RSU1: variants seen among roughly 807,000 people sequenced by gnomAD.
RSU1 encodes the protein rsu-1.
RSU1 carries 26 observed loss-of-function variants against 31.1 expected under a neutral mutation model. The ratio of observed to expected loss-of-function variants is 0.84; its 90% CI spans 0.61 to 1.16. The LOEUF is 1.16. RSU1 is among the 50% of genes most tolerant of loss of function. The probability of loss-of-function intolerance (pLI) is 0.00; values close to 1 mark genes in which losing one functional copy is unlikely to be tolerated. For missense variants in RSU1, 320 were observed against 339.1 expected (o/e 0.94, Z 0.44); for synonymous variants, 164 against 136.3 (o/e 1.20, Z -1.41).
At chr10:16,807,431 T>C (rs66491181) in intron 2 of RSU1, among the ~76,000 whole-genome samples, 35,716 of 152,184 alleles carry the variant, frequency 0.23, 5,340 homozygotes, top group African/African-American at 0.43. Context: ...ACACAATCTT[T>C]TCCAGCCCCA....
intron 8 of RSU1, among the ~76,000 whole-genome samples, chr10:16,640,697 G>A (rs946282312): frequency 4.6e-5 from 7 of 152,320 alleles, no homozygotes; most frequent in East Asian, 3.9e-4. Flanking sequence ...GCTCACACCC[G>A]GATGGTACCT....
chr10:16,607,944 C>T (rs1833832553), intron 8 of RSU1, among the ~76,000 whole-genome samples: 1 of 152,182 alleles, frequency 6.6e-6, no homozygotes, highest in South Asian at 2.1e-4. Context: ...CTCACTGCAA[C>T]CTCTGCCTCC....
intron 2 of RSU1, among the ~76,000 whole-genome samples, chr10:16,814,228 C>T (rs1838473791): frequency 6.6e-6 from 1 of 151,894 alleles, no homozygotes; most frequent in South Asian, 2.1e-4. Context: ...CTCCTTGAGC[C>T]CAGGAGTTTG....
chr10:16,797,502 A>G (rs918255390), intron 2 of RSU1, among the ~76,000 whole-genome samples: 10 of 152,248 alleles, frequency 6.6e-5, no homozygotes, highest in South Asian at 2.1e-4. Flanking sequence ...CATAAAAAAT[A>G]TTGGGAGCAA....
chr10:16,613,625 G>A (rs545050256), intron 8 of RSU1, among the ~76,000 whole-genome samples: 47 of 152,312 alleles, frequency 3.1e-4, no homozygotes, highest in African/African-American at 1.1e-3. Flanking sequence ...TGTGATTTTA[G>A]GGCAGACTTG....
intron 7 of RSU1, among the ~76,000 whole-genome samples, chr10:16,713,578 CG>C (rs2131582513): frequency 6.6e-6 from 1 of 152,214 alleles, no homozygotes; most frequent in East Asian, 1.9e-4. Flanking sequence ...ATTTCTCATT[CG>C]GATGATGAAT....
intron 3 of RSU1, among the ~76,000 whole-genome samples, chr10:16,776,173 T>C (rs1837526332): frequency 6.6e-6 from 1 of 152,234 alleles, no homozygotes; most frequent in Non-Finnish European, 1.5e-5. Context: ...CAATCTATTA[T>C]GTCTGCATAA....
At chr10:16,807,180 G>C (rs1466346110) in intron 2 of RSU1, among the ~76,000 whole-genome samples, 8 of 152,246 alleles carry the variant, frequency 5.3e-5, no homozygotes, top group Non-Finnish European at 1.0e-4. Flanking sequence ...TCTGCACTGT[G>C]TCCTGAAAAA....
intron 3 of RSU1, among the ~76,000 whole-genome samples, chr10:16,777,897 AAC>A (rs763044719): frequency 1.3e-5 from 2 of 152,154 alleles, no homozygotes; most frequent in Non-Finnish European, 2.9e-5. Flanking sequence ...CGGTCATGAA[AAC>A]AGTTTCCCTG....
At chr10:16,806,270 G>A (rs966579647) in intron 2 of RSU1, among the ~76,000 whole-genome samples, 5 of 152,124 alleles carry the variant, frequency 3.3e-5, no homozygotes, top group African/African-American at 1.2e-4. Flanking sequence ...GAACATGACC[G>A]GGTGGCCACA....
intron 8 of RSU1, among the ~76,000 whole-genome samples, chr10:16,655,053 C>T (rs1834753205): frequency 1.0e-5 from 1 of 97,538 alleles, no homozygotes; most frequent in Admixed American, 1.2e-4. Context: ...GACTTTGTCC[C>T]TTAAAAAAAA....
intron 3 of RSU1, among the ~76,000 whole-genome samples, chr10:16,769,155 C>A (rs1476764369): frequency 1.3e-5 from 2 of 152,184 alleles, no homozygotes; most frequent in Non-Finnish European, 2.9e-5. Flanking sequence ...TTGTAACAAT[C>A]GCAGTTTCAA....
chr10:16,694,714 G>C (rs1743169518), intron 8 of RSU1, among the ~76,000 whole-genome samples: 1 of 152,012 alleles, frequency 6.6e-6, no homozygotes, highest in Admixed American at 6.5e-5. Context: ...ACAATGACAA[G>C]CATGCACTAC....
At chr10:16,665,676 C>A (rs1439483543) in intron 8 of RSU1, among the ~76,000 whole-genome samples, 4 of 152,116 alleles carry the variant, frequency 2.6e-5, no homozygotes, top group Admixed American at 6.6e-5. Context: ...CTTAAAAAAA[C>A]TGCATTTTTT....
At chr10:16,600,870 G>A (rs1029026115) in intron 8 of RSU1, among the ~76,000 whole-genome samples, 2 of 152,140 alleles carry the variant, frequency 1.3e-5, no homozygotes, top group South Asian at 4.1e-4. Context: ...CTGATAGGTG[G>A]ATTTTATTTA....
At chr10:16,667,792 T>C (rs1835025339) in intron 8 of RSU1, among the ~76,000 whole-genome samples, 1 of 152,116 alleles carries the variant, frequency 6.6e-6, no homozygotes, top group Non-Finnish European at 1.5e-5. Context: ...CTGGCCAAAA[T>C]ATGCTATTAT....
At chr10:16,644,717 G>A (rs1222238465) in intron 8 of RSU1, among the ~76,000 whole-genome samples, 1 of 152,158 alleles carries the variant, frequency 6.6e-6, no homozygotes, top group Non-Finnish European at 1.5e-5. Flanking sequence ...AATATTTATG[G>A]TGAACAGGAG....
intron 7 of RSU1, among the ~76,000 whole-genome samples, chr10:16,710,067 T>C (rs896357586): frequency 1.3e-5 from 2 of 152,310 alleles, no homozygotes; most frequent in African/African-American, 4.8e-5. Flanking sequence ...TGAACAGAAG[T>C]AGCAGAAGTT....
At chr10:16,740,341 G>T (rs1836725603) in intron 7 of RSU1, among the ~76,000 whole-genome samples, 1 of 151,948 alleles carries the variant, frequency 6.6e-6, no homozygotes, top group Non-Finnish European at 1.5e-5. Context: ...AAAATAGAAG[G>T]GCATTTGTAA....
Sources: gnomAD v4.1 joint callset for allele counts (sites outside exome capture counted in the v4.1 genomes callset) on GRCh38, gnomAD v4.1.1 for gene constraint, MANE v1.5 for transcripts, NCBI Gene and HGNC (gene_info 2026-07-23, HGNC 2026-07-21) for gene names.